The following SDK2 variants were observed in gnomAD, a reference collection of about 807,000 sequenced individuals.
SDK2 encodes sidekick cell adhesion molecule 2.
A neutral mutation model predicts 253.9 loss-of-function variants in SDK2; 105 were observed. The ratio of observed to expected loss-of-function variants is 0.41; its 90% CI spans 0.35 to 0.49. SDK2 has a LOEUF of 0.49. SDK2 is among the 20% of genes least tolerant of loss of function. The pLI, the probability that SDK2 is intolerant of heterozygous loss-of-function variation, is 0.06. For missense variants in SDK2, 2,608 were observed against 3,003.0 expected, an observed-to-expected ratio of 0.87 and a Z score of 3.07; for synonymous variants, 1,249 against 1,234.9, an observed-to-expected ratio of 1.01 and a Z score of -0.24.
intron 15 of SDK2, 88 bp downstream of exon 15, chr17:73,422,199 T>C (rs571720518): frequency 2.8e-4 from 407 of 1,477,498 alleles, no homozygotes; most frequent in Admixed American, 4.5e-4. Flanking sequence ...CAGGAGGAGC[T>C]GAGCCAGAAT....
At chr17:73,619,708 G>GA (rs924164423) in intron 1 of SDK2, among the ~76,000 whole-genome samples, 29 of 149,926 alleles carry the variant, frequency 1.9e-4, no homozygotes, top group Middle Eastern at 3.4e-3. Context: ...GATGACAAAA[G>GA]AAAAAAAAAT....
rs1157446496 is a variant in SDK2, at chr17:73,467,906, T to C, written c.331+4206A>G. On this transcript the variant is annotated intron_variant, in intron 3 of 44. Transcript: ENST00000392650. This position sits in a 1 kb window ranked among gnomAD's most constrained non-coding sequence, Gnocchi z 4.1. ...CTGCAGCTGGTGGACAGGGGGAGGT[T>C]AACCTGGGTCTCTCTCTCTGCTCCC... Among the ~76,000 whole-genome samples the C allele has an allele frequency of 1.4e-4, 22 of 152,132 alleles. No individual in the cohort carries two copies.
chr17:73,628,063 AAAACAAAACC>A (rs1231448399), intron 1 of SDK2, among the ~76,000 whole-genome samples: 1 of 152,298 alleles, frequency 6.6e-6, no homozygotes, highest in Admixed American at 6.5e-5. Flanking sequence ...AAAACAAAAC[AAAACAAAACC>A]AAACCAAAAA....
At chr17:73,630,703 G>A (rs1474206866) in intron 1 of SDK2, among the ~76,000 whole-genome samples, 1 of 152,160 alleles carries the variant, frequency 6.6e-6, no homozygotes, top group African/African-American at 2.4e-5. Flanking sequence ...TTCCCGGGGA[G>A]GTGGCAGGCC....
chr17:73,551,267 G>A (rs754983289), intron 1 of SDK2, among the ~76,000 whole-genome samples: 13 of 152,252 alleles, frequency 8.5e-5, no homozygotes, highest in Admixed American at 2.0e-4. Context: ...ATGCCCACAC[G>A]CTCCCACCCC....
intron 3 of SDK2, among the ~76,000 whole-genome samples, chr17:73,462,136 G>A (rs1245873925): frequency 1.3e-5 from 2 of 152,068 alleles, no homozygotes; most frequent in Non-Finnish European, 2.9e-5. Context: ...TGCATGTTTG[G>A]TGGGATGTAT....
chr17:73,456,185 C>T, intron 3 of SDK2, 132 bp from the exon 4 acceptor site: 1 of 1,033,324 alleles, frequency 9.7e-7, no homozygotes, highest in Non-Finnish European at 1.3e-6. Context: ...GGAAGGAGGA[C>T]ACCTTGCTCG....
At chr17:73,462,550 A>G (rs923875383) in intron 3 of SDK2, among the ~76,000 whole-genome samples, 2 of 152,012 alleles carry the variant, frequency 1.3e-5, no homozygotes, top group Non-Finnish European at 2.9e-5. Flanking sequence ...ATATGTTTGT[A>G]TGCATGTATG....
rs555944449 is a variant in SDK2, at chr17:73,481,270, A to G, written c.225-9052T>C. Among the ~76,000 whole-genome samples the G allele has an allele frequency of 1.3e-5, 2 of 151,826 alleles. No homozygotes were observed. Among genetic ancestry groups the G allele is most frequent in the East Asian group, 3.9e-4 (2 of 5,156 alleles). On this transcript the variant is annotated intron_variant, in intron 2 of 44. Transcript: ENST00000392650. This position sits in a 1 kb window ranked among gnomAD's most constrained non-coding sequence, Gnocchi z 4.5. ...TTCTGTGTCCCTCGGAGGAGGGGGG[A>G]CTTGGGCACAGTGTGTTCCCCCCAC...
intron 2 of SDK2, among the ~76,000 whole-genome samples, chr17:73,505,248 C>G (rs1214784545): frequency 1.3e-5 from 2 of 152,190 alleles, no homozygotes; most frequent in Non-Finnish European, 2.9e-5. Flanking sequence ...AATTCCCACT[C>G]TGCTGTCAGA....
chr17:73,384,438 T>C (rs1599507022), intron 32 of SDK2, among the ~76,000 whole-genome samples: 1 of 152,120 alleles, frequency 6.6e-6, no homozygotes, highest in African/African-American at 2.4e-5. Context: ...GGATAACACT[T>C]CCTGGTGTTT....
intron 44 of SDK2, among the ~76,000 whole-genome samples, chr17:73,344,352 G>A (rs1443370585): frequency 2.6e-5 from 4 of 152,194 alleles, no homozygotes; most frequent in Admixed American, 2.0e-4. Flanking sequence ...AGGCTCAAGG[G>A]AGGTCACTGG....
chr17:73,510,140 A>G (rs1170899098), intron 1 of SDK2, among the ~76,000 whole-genome samples: 1 of 151,922 alleles, frequency 6.6e-6, no homozygotes, highest in Non-Finnish European at 1.5e-5. Context: ...AGATCTGCCC[A>G]GTACTGGACA....
intron 13 of SDK2, 69 bp downstream of exon 13, chr17:73,423,847 C>T: frequency 7.5e-7 from 1 of 1,333,378 alleles, no homozygotes; most frequent in Admixed American, 2.3e-5. Context: ...AGGGACTCGG[C>T]TGGCTCTGAG....
At chr17:73,556,355 G>A (rs543059945) in intron 1 of SDK2, among the ~76,000 whole-genome samples, 47 of 151,984 alleles carry the variant, frequency 3.1e-4, no homozygotes, top group African/African-American at 1.1e-3. Flanking sequence ...TTTAATAAAG[G>A]AAGACGACTT....
At chr17:73,589,194 A>C (rs1297691010) in intron 1 of SDK2, among the ~76,000 whole-genome samples, 3 of 152,274 alleles carry the variant, frequency 2.0e-5, no homozygotes, top group African/African-American at 2.4e-5. Context: ...GTGCTGGAGT[A>C]GTCCCAGGAT....
In SDK2 at chr17:73,395,060, A is replaced by C; in HGVS notation, c.3592+95T>G. On this transcript the variant is annotated intron_variant, in intron 25 of 44. Transcript: ENST00000392650. This position sits in a 1 kb window ranked among gnomAD's most constrained non-coding sequence, Gnocchi z 4.3. The stretch of plus-strand genomic sequence containing the variant: ...AATGAGCTCAGGCTGTTTTTGAACA[A>C]CACCTTCAGCCTGGCACGCGCTTGG... 1.1e-6 allele frequency: 1 copy of C among 943,660 alleles called. No individual in the cohort carries two copies. 58.5% of individuals were successfully genotyped at this position (943,660 alleles called of 1,614,324 possible).
At chr17:73,393,413 G>T in intron 27 of SDK2, 147 bp downstream of exon 27, 1 of 582,498 alleles carries the variant, frequency 1.7e-6, no homozygotes, top group Non-Finnish European at 2.8e-6. Context: ...GGGGCTGGTA[G>T]CTCTGGGTGA....
rs889440422 is a variant in SDK2, at chr17:73,616,770, A to G, written c.64+27255T>C. On this transcript the variant is annotated intron_variant, in intron 1 of 44. Coordinates refer to ENST00000392650, the MANE Select transcript of SDK2 (RefSeq NM_001144952.2). The surrounding 1 kb of genome is among the most constrained non-coding windows in gnomAD (Gnocchi z 5.2). Reference sequence around the variant, plus strand: ...TGAGAGGTGAGGGAGGTGCTCTCAGAGCTGCAGGCACTGCACTGTGCGCAT... The same window carrying G: ...TGAGAGGTGAGGGAGGTGCTCTCAGGGCTGCAGGCACTGCACTGTGCGCAT... Among the ~76,000 whole-genome samples, 4 of 152,158 alleles carry G rather than the reference A, an allele frequency of 2.6e-5. No homozygotes were observed. Among genetic ancestry groups the G allele is most frequent in the African/African-American group, 9.7e-5 (4 of 41,440 alleles).
Sources: gnomAD v4.1 joint callset for allele counts (sites outside exome capture counted in the v4.1 genomes callset) on GRCh38, gnomAD v4.1.1 for gene constraint, Gnocchi (gnomAD v3.1) non-coding constraint, MANE v1.5 for transcripts, NCBI Gene and HGNC (gene_info 2026-07-23, HGNC 2026-07-21) for gene names.